The following COLEC11 variants were observed in gnomAD, a reference collection of about 807,000 sequenced individuals.
COLEC11 encodes collectin-11.
A neutral mutation model predicts 27.3 loss-of-function variants in COLEC11; 20 were observed. The ratio of observed to expected loss-of-function variants is 0.73; its 90% CI spans 0.51 to 1.06. The LOEUF (loss-of-function observed/expected upper bound fraction) is 1.06, where lower values mean the gene tolerates loss of function less well. COLEC11 is among the 50% of genes least tolerant of loss of function. The pLI, the probability that COLEC11 is intolerant of heterozygous loss-of-function variation, is 0.00. For missense variants in COLEC11, 310 were observed against 383.0 expected (o/e 0.81, Z 1.59); for synonymous variants, 163 against 154.7 (o/e 1.05, Z -0.40).
At chr2:3,626,196 G>C in intron 3 of COLEC11, 2 of 973,266 alleles carry the variant, frequency 2.1e-6, no homozygotes, top group Non-Finnish European at 3.3e-6. Flanking sequence ...CAGAACTGGA[G>C]CAGAAGCCCC....
At chr2:3,605,200 A>G in intron 2 of COLEC11, 1 of 447,204 alleles carries the variant, frequency 2.2e-6, no homozygotes, top group Non-Finnish European at 4.6e-6. Flanking sequence ...GAACCCAAGA[A>G]GGGACAGCAG....
chr2:3,616,773 T>TG (rs1663782849), intron 3 of COLEC11, among the ~76,000 whole-genome samples: 1 of 142,288 alleles, frequency 7.0e-6, no homozygotes, highest in African/African-American at 3.0e-5. Context: ...AGGGAGACCG[T>TG]GGGGAGAGGG....
intron 3 of COLEC11, among the ~76,000 whole-genome samples, chr2:3,635,633 C>T (rs1239810128): frequency 6.6e-6 from 1 of 152,230 alleles, no homozygotes; most frequent in Non-Finnish European, 1.5e-5. Context: ...GAGCTCTGAT[C>T]CCTGCAGCCA....
At chr2:3,606,613 G>C (rs1021867268) in intron 2 of COLEC11, among the ~76,000 whole-genome samples, 4 of 152,222 alleles carry the variant, frequency 2.6e-5, no homozygotes, top group African/African-American at 9.6e-5. Context: ...CTCTGGGACA[G>C]TGACTTACAA....
At chr2:3,598,166 C>A (rs1661986979) in intron 1 of COLEC11, among the ~76,000 whole-genome samples, 1 of 152,136 alleles carries the variant, frequency 6.6e-6, no homozygotes, top group South Asian at 2.1e-4. Context: ...GAACTCCTGA[C>A]CTCAGGTGAT....
intron 1 of COLEC11, chr2:3,603,444 G>A (rs1473385774): frequency 1.9e-5 from 11 of 564,258 alleles, no homozygotes; most frequent in Non-Finnish European, 3.2e-5. Flanking sequence ...AGCCTCCCAA[G>A]TAGCTGGGAT....
At chr2:3,638,399 G>C (rs1452228908) in intron 4 of COLEC11, among the ~76,000 whole-genome samples, 1 of 152,190 alleles carries the variant, frequency 6.6e-6, no homozygotes, top group Non-Finnish European at 1.5e-5. Context: ...AAGTCTCCTT[G>C]GGGTCCCGCA....
At position 3,615,655 on chromosome 2, in the gene COLEC11, C is replaced by T. The variant is rs976090934; in HGVS notation, c.202+2273C>T. On this transcript the variant is annotated intron_variant, in intron 3 of 6. Coordinates refer to ENST00000349077, the MANE Select transcript of COLEC11 (RefSeq NM_024027.5). ...CCCATTCTCAATGAGCTGTGGGGTACACCTCCCAGACGGGGTGGCGGCCGG... is the reference window on the plus strand; with the variant it reads ...CCCATTCTCAATGAGCTGTGGGGTATACCTCCCAGACGGGGTGGCGGCCGG... 2.6e-5 allele frequency among the ~76,000 whole-genome samples: 4 copies of T among 152,244 alleles called. 1 individual carries two copies. The highest frequency in any genetic ancestry group is 2.1e-4 in the South Asian group (1 of 4,836).
At chr2:3,629,204 AG>A in intron 3 of COLEC11, among the ~76,000 whole-genome samples, 1 of 152,236 alleles carries the variant, frequency 6.6e-6, no homozygotes, top group South Asian at 2.1e-4. Flanking sequence ...GAAATAAGTC[AG>A]CTACAGAAAA....
chr2:3,604,344 A>G lies in COLEC11; in HGVS notation c.4A>G (p.Arg2Gly), dbSNP rs1662465370. 1.2e-6 allele frequency: 2 copies of G among 1,614,170 alleles called. No homozygotes were observed. The highest frequency in any genetic ancestry group is 2.2e-5 in the South Asian group (2 of 91,076). Reference sequence around the variant, plus strand: ...TGGTGTCCTGCCTGCGCTCAGGATGAGGGGGAATCTGGCCCTGGTGGGCGT... The same window carrying G: ...TGGTGTCCTGCCTGCGCTCAGGATGGGGGGGAATCTGGCCCTGGTGGGCGT... M[R>G]GNLALVGVLI... The change falls in exon 2 of 7, where the codon AGG (arginine) becomes GGG (glycine). Residue 2 changes from arginine (R) to glycine (G), a missense_variant. By Grantham distance (125) the Arg-to-Gly change is moderately radical. Coordinates refer to ENST00000349077, the MANE Select transcript of COLEC11 (RefSeq NM_024027.5).
intron 3 of COLEC11, among the ~76,000 whole-genome samples, chr2:3,634,378 C>T (rs1207226091): frequency 6.6e-6 from 1 of 152,144 alleles, no homozygotes; most frequent in African/African-American, 2.4e-5. Flanking sequence ...TTTCTATGGG[C>T]GCAAAACCAG....
chr2:3,635,858 G>A lies in COLEC11; in HGVS notation c.203-1675G>A, dbSNP rs112356214. 3.3e-3 allele frequency among the ~76,000 whole-genome samples: 498 copies of A among 152,346 alleles called. 3 individuals are homozygous for A. Among genetic ancestry groups the A allele is most frequent in the African/African-American group, 0.011 (455 of 41,576 alleles). The stretch of plus-strand genomic sequence containing the variant: ...AGAGTGTGGCTGTTGTCCTGGCTCT[G>A]CCATGCCGGGCCATGTCATTTTCAT... On this transcript the variant is annotated intron_variant, in intron 3 of 6. Transcript: ENST00000349077.
At chr2:3,595,750 A>G (rs1008414319) in intron 1 of COLEC11, among the ~76,000 whole-genome samples, 9 of 152,212 alleles carry the variant, frequency 5.9e-5, no homozygotes, top group Non-Finnish European at 1.3e-4. Context: ...AAAATTGGAA[A>G]GGAGGAAAGT....
At chr2:3,630,048 T>C (rs902656033) in intron 3 of COLEC11, among the ~76,000 whole-genome samples, 2 of 140,194 alleles carry the variant, frequency 1.4e-5, no homozygotes, top group African/African-American at 5.4e-5. Flanking sequence ...TGTGTGCATA[T>C]GTTACGTGTT....
In COLEC11 at chr2:3,643,601, C is replaced by G. The variant is rs549832634; in HGVS notation, c.424+62C>G. 3.8e-6 allele frequency: 6 copies of G among 1,594,642 alleles called. No homozygotes were observed. The East Asian group carries it at 1.1e-4, about 30-fold the overall frequency. ...CCTCCCAGCCCTGTCCTGAGCCCCC[C>G]GGCAAGGGCTCTGCCGTGCCCACGC... On this transcript the variant is annotated intron_variant, in intron 6 of 6. Transcript: ENST00000349077.
chr2:3,637,550 G>A lies in COLEC11; in HGVS notation c.220G>A (p.Gly74Arg), dbSNP rs1350837390. Residue 74 changes from glycine (G) to arginine (R), a missense_variant, in exon 4 of 7, where the codon GGA becomes AGA. Gly to Arg is a moderately radical substitution (Grantham distance 125). Coordinates refer to ENST00000349077, the MANE Select transcript of COLEC11 (RefSeq NM_024027.5). ...TTCTACAGGAGACATGGGGGACAAA[G>A]GACAGAAAGGCAGTGTGGGTCGTCA... ...TGEKGDMGDK[G>R]QKGSVGRHGK... 6.2e-7 allele frequency: 1 copy of A among 1,613,972 alleles called. No homozygotes were observed. The highest frequency in any genetic ancestry group is 1.3e-5 in the African/African-American group (1 of 74,904).
At chr2:3,604,846 T>C (rs937922367) in intron 2 of COLEC11, among the ~76,000 whole-genome samples, 48 of 152,110 alleles carry the variant, frequency 3.2e-4, no homozygotes, top group African/African-American at 1.0e-3. Context: ...AATTTGCAAC[T>C]TGTGTTAAGT....
At chr2:3,631,795 CTT>C (rs1411393202) in intron 3 of COLEC11, among the ~76,000 whole-genome samples, 1 of 151,858 alleles carries the variant, frequency 6.6e-6, no homozygotes, top group Non-Finnish European at 1.5e-5. Context: ...ACTCTGGTCT[CTT>C]GGTCTCTGTC....
At chr2:3,603,133 G>A (rs917014096) in intron 1 of COLEC11, among the ~76,000 whole-genome samples, 26 of 152,136 alleles carry the variant, frequency 1.7e-4, no homozygotes, top group African/African-American at 4.1e-4. Flanking sequence ...TCCATGCTCT[G>A]CGGAGCCCCA....
Sources: allele counts gnomAD v4.1 joint callset (sites outside exome capture counted in the v4.1 genomes callset), GRCh38; gene constraint gnomAD v4.1.1; transcripts MANE v1.5; gene names NCBI Gene and HGNC (gene_info 2026-07-23, HGNC 2026-07-21).